The following FAM3D variants were observed in gnomAD, a reference collection of about 807,000 sequenced individuals.
FAM3D encodes FAM3 metabolism regulating signaling molecule D, also known as protein FAM3D.
Under a neutral mutation model 29.8 loss-of-function variants are expected in FAM3D, and 26 were observed. The ratio of observed to expected loss-of-function variants is 0.87; its 90% CI spans 0.64 to 1.21. FAM3D has a LOEUF of 1.21. FAM3D is among the 50% of genes most tolerant of loss of function. The probability of loss-of-function intolerance (pLI) is 0.00; values close to 1 mark genes in which losing one functional copy is unlikely to be tolerated. For missense variants in FAM3D, 253 were observed against 290.9 expected (o/e 0.87, Z 0.95); for synonymous variants, 115 against 102.3 (o/e 1.12, Z -0.75).
chr3:58,637,708 A>G (rs1395347192), intron 7 of FAM3D, among the ~76,000 whole-genome samples: 1 of 152,088 alleles, frequency 6.6e-6, no homozygotes, highest in Non-Finnish European at 1.5e-5. Context: ...ATTCGAGTAG[A>G]CTATGAATAC....
chr3:58,637,512 A>G (rs1273323150), intron 7 of FAM3D, among the ~76,000 whole-genome samples: 1 of 152,094 alleles, frequency 6.6e-6, no homozygotes, highest in Non-Finnish European at 1.5e-5. Context: ...GCTGAGGGTG[A>G]CCACCACTGG....
At chr3:58,642,461 C>T (rs2066360695) in intron 6 of FAM3D, among the ~76,000 whole-genome samples, 2 of 152,286 alleles carry the variant, frequency 1.3e-5, no homozygotes, top group South Asian at 4.1e-4. Context: ...CCTGAGCATC[C>T]CTTACACCTT....
In FAM3D at chr3:58,634,062, G is replaced by T. The variant is rs372118654; in HGVS notation, c.*217C>A. 3.9e-6 allele frequency: 2 copies of T among 512,486 alleles called. No homozygotes were observed. Among genetic ancestry groups the T allele is most frequent in the Non-Finnish European group, 6.9e-6 (2 of 290,780 alleles). 31.7% of individuals were successfully genotyped at this position (512,486 alleles called of 1,614,324 possible). ...CACCCCATTCTCTCCACAGACAGCT[G>T]GTTCCAGAAGGACCCTCTGAGGCTG... is the stretch of plus-strand genomic sequence containing the variant. On this transcript the variant is annotated 3_prime_UTR_variant, in exon 10 of 10. Transcript: ENST00000358781. The surrounding 1 kb of genome is among the most constrained non-coding windows in gnomAD (Gnocchi z 4.6).
chr3:58,647,783 C>G (rs1418287094), intron 4 of FAM3D, among the ~76,000 whole-genome samples: 1 of 152,210 alleles, frequency 6.6e-6, no homozygotes, highest in African/African-American at 2.4e-5. Context: ...CCCCGGGAAC[C>G]CTTGTGCTGT....
intron 7 of FAM3D, among the ~76,000 whole-genome samples, chr3:58,637,660 A>G (rs1266073128): frequency 6.6e-6 from 1 of 152,142 alleles, no homozygotes; most frequent in East Asian, 1.9e-4. Context: ...TAGGTGGTAT[A>G]GCACGTGGCC....
intron 2 of FAM3D, among the ~76,000 whole-genome samples, chr3:58,655,052 G>A (rs2066752390): frequency 6.6e-6 from 1 of 151,374 alleles, no homozygotes; most frequent in Middle Eastern, 3.2e-3. Flanking sequence ...GTCAAAAGTG[G>A]GGTTTACACC....
intron 4 of FAM3D, among the ~76,000 whole-genome samples, chr3:58,646,553 C>T (rs1348946872): frequency 6.6e-6 from 1 of 152,214 alleles, no homozygotes; most frequent in African/African-American, 2.4e-5. Flanking sequence ...TGCTTTTTAG[C>T]ACCCGCTGAC....
At chr3:58,652,733 C>T (rs1050474480) in intron 3 of FAM3D, among the ~76,000 whole-genome samples, 2 of 151,956 alleles carry the variant, frequency 1.3e-5, no homozygotes, top group Non-Finnish European at 2.9e-5. Context: ...ATTCATTCGC[C>T]CATCTCTCCA....
chr3:58,641,858 G>A (rs1250202185), intron 6 of FAM3D, among the ~76,000 whole-genome samples: 1 of 152,094 alleles, frequency 6.6e-6, no homozygotes, highest in African/African-American at 2.4e-5. Flanking sequence ...GCCTAGTCTG[G>A]GGCCATCTCA....
chr3:58,649,312 C>A lies in FAM3D; in HGVS notation c.145+3G>T. The A allele has an allele frequency of 6.2e-7, 1 of 1,613,478 alleles. No individual in the cohort carries two copies. On this transcript the variant is annotated splice_donor_region_variant and intron_variant, in intron 4 of 9. Transcript: ENST00000358781. ...GGAGGTGTGGGGCTGCACAGATACT[C>A]ACGGATCTCCTTGGTGGGCGAGGCT...
At chr3:58,648,426 G>C (rs572010655) in intron 4 of FAM3D, among the ~76,000 whole-genome samples, 1 of 152,120 alleles carries the variant, frequency 6.6e-6, no homozygotes, top group African/African-American at 2.4e-5. Flanking sequence ...AGGGGTTGAG[G>C]GGGTGGGCTC....
chr3:58,657,004 C>T lies in FAM3D; in HGVS notation c.-38-1403G>A, dbSNP rs994223638. On this transcript the variant is annotated intron_variant, in intron 1 of 9. Transcript: ENST00000358781. ...CCACCCTGATCCTACTCCTCTAGGG[C>T]CTTCCAGATTAGAAAACCAAGCTGT... 4.6e-5 allele frequency among the ~76,000 whole-genome samples: 7 copies of T among 152,216 alleles called. No individual in the cohort carries two copies. In the South Asian group the frequency reaches 8.3e-4, roughly 18 times the overall value.
At chr3:58,664,352 A>G (rs2066989606) in intron 1 of FAM3D, among the ~76,000 whole-genome samples, 1 of 151,924 alleles carries the variant, frequency 6.6e-6, no homozygotes, top group Admixed American at 6.6e-5. Flanking sequence ...GACTCCTTTT[A>G]CTCTCAATCA....
chr3:58,638,990 T>A (rs897325870), intron 7 of FAM3D, among the ~76,000 whole-genome samples: 2 of 152,250 alleles, frequency 1.3e-5, no homozygotes, highest in African/African-American at 2.4e-5. Flanking sequence ...CACCTCACTT[T>A]AAAAAGCCAT....
intron 2 of FAM3D, among the ~76,000 whole-genome samples, chr3:58,654,521 AC>A (rs906810709): frequency 1.3e-5 from 2 of 152,068 alleles, no homozygotes; most frequent in African/African-American, 2.4e-5. Flanking sequence ...TTGGGGAACA[AC>A]CCCACACATG....
At chr3:58,664,885 T>C (rs2067000919) in intron 1 of FAM3D, among the ~76,000 whole-genome samples, 2 of 152,220 alleles carry the variant, frequency 1.3e-5, no homozygotes, top group South Asian at 4.1e-4. Flanking sequence ...CCAGGCAGGC[T>C]TGTCGGCTGC....
Position 58,653,723 on chromosome 3 carries a change from T to C in FAM3D, c.72A>G (p.Arg24=). ...FAIVTTWMFI[R]SYMSFSMKTI... ...TTTTCATGCTGAAGCTCATGTAGCT[T>C]CGAATAAACATCCATGTCGTGACTA... The change falls in exon 3 of 10, where the codon CGA becomes CGG. Residue 24 remains arginine (R), a synonymous_variant. Coordinates refer to ENST00000358781, the MANE Select transcript of FAM3D (RefSeq NM_138805.3). The C allele has an allele frequency of 6.2e-7, 1 of 1,614,062 alleles. No individual in the cohort carries two copies. Among genetic ancestry groups the C allele is most frequent in the South Asian group, 1.1e-5 (1 of 91,080 alleles).
Position 58,634,279 on chromosome 3 carries a change from C to T in FAM3D, c.675G>A (p.Ter225=), listed in dbSNP as rs754591513. 6.2e-7 allele frequency: 1 copy of T among 1,613,652 alleles called. No homozygotes were observed. Among genetic ancestry groups the T allele is most frequent in the African/African-American group, 1.3e-5 (1 of 74,930 alleles). The change falls in exon 10 of 10, where the codon TAG becomes TAA. Residue 225 remains the stop codon, a stop_retained_variant. Transcript: ENST00000358781. This position sits in a 1 kb window ranked among gnomAD's most constrained non-coding sequence, Gnocchi z 4.6. ...MEGCMPPKPF[*] is the part of the protein sequence containing the mutation. ...TGGCTGAGGAAGAGCCACAGCCACCCTAAAATGGCTTCGGGGGCATGCAGC... is the reference window on the plus strand; with the variant it reads ...TGGCTGAGGAAGAGCCACAGCCACCTTAAAATGGCTTCGGGGGCATGCAGC...
rs1666693097 is a variant in FAM3D, at chr3:58,635,156, C to T, written c.586-788G>A. On this transcript the variant is annotated intron_variant, in intron 9 of 9. Coordinates refer to ENST00000358781, the MANE Select transcript of FAM3D (RefSeq NM_138805.3). The surrounding 1 kb of genome is among the most constrained non-coding windows in gnomAD (Gnocchi z 5.2). ...TGCCACTGCACTCCAGCCTAGGTGA[C>T]AGAGCGAGACCCTATCTCTAAAATA... is the stretch of plus-strand genomic sequence containing the variant. Among the ~76,000 whole-genome samples the T allele has an allele frequency of 6.6e-6, 1 of 152,096 alleles. No homozygotes were observed. The highest frequency in any genetic ancestry group is 6.5e-5 in the Admixed American group (1 of 15,272).
Sources: gnomAD v4.1 joint callset for allele counts (sites outside exome capture counted in the v4.1 genomes callset) on GRCh38, gnomAD v4.1.1 for gene constraint, Gnocchi (gnomAD v3.1) non-coding constraint, MANE v1.5 for transcripts, NCBI Gene and HGNC (gene_info 2026-07-23, HGNC 2026-07-21) for gene names.